The following ODR4 variants were observed in gnomAD, a reference collection of about 807,000 sequenced individuals.
The protein encoded by ODR4 is protein odr-4 homolog.
A neutral mutation model predicts 60.2 loss-of-function variants in ODR4; 47 were observed. The ratio of observed to expected loss-of-function variants is 0.78; its 90% CI spans 0.62 to 1.00. The LOEUF is 1.00. Among genes scored for constraint, ODR4 ranks in the 50% least tolerant of loss-of-function variants. The pLI, the probability that ODR4 is intolerant of heterozygous loss-of-function variation, is 0.00. For synonymous variants in ODR4, 178 were observed against 175.5 expected, an observed-to-expected ratio of 1.01 and a Z score of -0.11; for missense variants, 488 against 530.8, an observed-to-expected ratio of 0.92 and a Z score of 0.79.
Position 186,393,307 on chromosome 1 carries a change from GA to G in ODR4, c.712-636del, listed in dbSNP as rs540336415. On this transcript the variant is annotated intron_variant, in intron 8 of 13. Transcript: ENST00000287859. The stretch of plus-strand genomic sequence containing the variant: ...TAAAAAATAAGTCCAGGAAAAAAAA[GA>G]AAATGATGTAATTGGAATCCTGAAA... Among the ~76,000 whole-genome samples, 173 of 152,256 alleles carry G rather than the reference GA, an allele frequency of 1.1e-3. 1 individual carries two copies. The highest frequency in any genetic ancestry group is 4.1e-3 in the African/African-American group (170 of 41,562).
chr1:186,379,673 A>G (rs1659950368), intron 1 of ODR4, 94 bp from the exon 2 acceptor site: 1 of 663,314 alleles, frequency 1.5e-6, no homozygotes, highest in South Asian at 2.0e-5. Context: ...TAGCCTCAGG[A>G]TAGTATCACT....
chr1:186,425,553 A>G (rs1320743316), downstream of ODR4, among the ~76,000 whole-genome samples: 2 of 152,044 alleles, frequency 1.3e-5, no homozygotes, highest in African/African-American at 4.8e-5. Context: ...ATCCATACTC[A>G]TCTCTTCAAG....
At chr1:186,386,961 C>T (rs967319694) in intron 4 of ODR4, among the ~76,000 whole-genome samples, 67 of 152,138 alleles carry the variant, frequency 4.4e-4, no homozygotes, top group African/African-American at 1.6e-3. Flanking sequence ...TAAACCCAAA[C>T]CTAAGGTAGA....
At chr1:186,414,194 C>T (rs914233232) in intron 12 of ODR4, among the ~76,000 whole-genome samples, 5 of 152,004 alleles carry the variant, frequency 3.3e-5, no homozygotes, top group Non-Finnish European at 7.4e-5. Flanking sequence ...CATTCTGCTT[C>T]GGTAAAATTA....
the ODR4 span, among the ~76,000 whole-genome samples, chr1:186,427,896 G>A: frequency 9.8e-5 from 15 of 152,300 alleles, no homozygotes; most frequent in African/African-American, 2.4e-4. Context: ...GAAAGGAATC[G>A]TTTTCTGAGC....
intron 5 of ODR4, 62 bp downstream of exon 5, chr1:186,388,610 T>A: frequency 1.1e-6 from 1 of 927,782 alleles, no homozygotes. Context: ...TCTTGCAAGG[T>A]TTTTTTGCTA....
At chr1:186,380,558 G>T (rs1440128270) in intron 2 of ODR4, among the ~76,000 whole-genome samples, 1 of 147,198 alleles carries the variant, frequency 6.8e-6, no homozygotes, top group Admixed American at 7.0e-5. Context: ...AGGAGGGACC[G>T]GTCAGCAGTA....
chr1:186,429,985 G>A, the ODR4 span, among the ~76,000 whole-genome samples: 1 of 152,054 alleles, frequency 6.6e-6, no homozygotes, highest in South Asian at 2.1e-4. Context: ...AAGGATGAAA[G>A]TAGAGTTAGA....
intron 1 of ODR4, among the ~76,000 whole-genome samples, chr1:186,377,260 T>G (rs1343083193): frequency 6.6e-6 from 1 of 152,280 alleles, no homozygotes; most frequent in African/African-American, 2.4e-5. Flanking sequence ...TTTTTCAATC[T>G]GTGGTTGGTT....
At chr1:186,400,889 A>T in intron 11 of ODR4, 1 of 627,386 alleles carries the variant, frequency 1.6e-6, no homozygotes, top group Non-Finnish European at 2.8e-6. Context: ...GGACCTGTTC[A>T]CATAGTCCAT....
At chr1:186,391,845 A>G in intron 8 of ODR4, 54 bp downstream of exon 8, 2 of 1,076,284 alleles carry the variant, frequency 1.9e-6, no homozygotes, top group Non-Finnish European at 1.4e-6. Flanking sequence ...GGAAAAATAA[A>G]ACATGACTTA....
chr1:186,421,286 CTGTT>C lies in ODR4; in HGVS notation c.*2211_*2214del, dbSNP rs1205835803. The C allele has an allele frequency of 6.6e-5, 10 of 152,084 alleles. No homozygotes were observed. Among genetic ancestry groups the C allele is most frequent in the African/African-American group, 2.4e-4 (10 of 41,426 alleles). The allele number at this position is 152,084 out of a possible 1,614,324, so 9.4% of individuals were successfully genotyped here. On this transcript the variant is annotated 3_prime_UTR_variant, in exon 14 of 14. Coordinates refer to ENST00000287859, the MANE Select transcript of ODR4 (RefSeq NM_017847.6). Reference sequence around the variant, plus strand: ...AATGATAAACATAAGTAAATTTAAACTGTTGTTTGTATAAAACAATTATAATGAA... The same window carrying C: ...AATGATAAACATAAGTAAATTTAAACGTTTGTATAAAACAATTATAATGAA...
chr1:186,432,718 A>T, the ODR4 span, among the ~76,000 whole-genome samples: 150 of 151,752 alleles, frequency 9.9e-4, 3 homozygotes, highest in African/African-American at 3.5e-3. Context: ...GTTTTAAAAA[A>T]TTTTTTTAAT....
chr1:186,405,927 G>A (rs1218170276), intron 11 of ODR4, among the ~76,000 whole-genome samples, 156 bp from the exon 12 acceptor site: 2 of 152,120 alleles, frequency 1.3e-5, no homozygotes, highest in East Asian at 1.9e-4. Flanking sequence ...GCAGAATTTG[G>A]TAAGAGCAAT....
At chr1:186,382,483 A>C (rs1458845185) in intron 2 of ODR4, among the ~76,000 whole-genome samples, 1 of 151,966 alleles carries the variant, frequency 6.6e-6, no homozygotes, top group Admixed American at 6.6e-5. Context: ...AAAACAAAAA[A>C]CTTGAGGAAC....
At chr1:186,379,741 C>G (rs761697645) in intron 1 of ODR4, 26 bp from the exon 2 acceptor site, 4 of 1,210,600 alleles carry the variant, frequency 3.3e-6, no homozygotes, top group Middle Eastern at 4.0e-4. Context: ...TACCTAAATG[C>G]TGTATCTTTT....
chr1:186,398,033 G>A (rs115942501), intron 9 of ODR4, among the ~76,000 whole-genome samples: 29 of 152,152 alleles, frequency 1.9e-4, no homozygotes, highest in African/African-American at 6.3e-4. Context: ...ATTTTTAGGA[G>A]CATATCGAGT....
chr1:186,389,724 C>T lies in ODR4; in HGVS notation c.474+100C>T, dbSNP rs910798440. On this transcript the variant is annotated intron_variant, in intron 6 of 13. Coordinates refer to ENST00000287859, the MANE Select transcript of ODR4 (RefSeq NM_017847.6). ...TTAATAATTTCCATTGCCATCACTT[C>T]CTATTGATGCCTACAAACAACTGTA... The T allele has an allele frequency of 4.2e-6, 3 of 720,142 alleles. No individual in the cohort carries two copies. The African/African-American group carries it at 5.4e-5, about 13-fold the overall frequency. 44.6% of individuals were successfully genotyped at this position (720,142 alleles called of 1,614,324 possible). A position where few individuals can be genotyped will look rare whatever the true frequency, so the allele number is the denominator to read the frequency against.
chr1:186,377,739 A>G (rs779766364), intron 1 of ODR4, among the ~76,000 whole-genome samples: 1 of 152,172 alleles, frequency 6.6e-6, no homozygotes, highest in East Asian at 1.9e-4. Flanking sequence ...ATTCACGTCT[A>G]TTGTTGTCAA....
Sources: allele counts gnomAD v4.1 joint callset (sites outside exome capture counted in the v4.1 genomes callset), GRCh38; gene constraint gnomAD v4.1.1; transcripts MANE v1.5; gene names NCBI Gene and HGNC (gene_info 2026-07-23, HGNC 2026-07-21).